PMF1: variants seen among roughly 807,000 people sequenced by gnomAD.
PMF1 encodes the protein polyamine modulated factor 1.
PMF1 carries 21 observed loss-of-function variants against 26.7 expected under a neutral mutation model. The ratio of observed to expected loss-of-function variants is 0.79; its 90% confidence interval spans 0.56 to 1.13. The LOEUF is 1.13. Ranked by LOEUF, PMF1 falls within the 50% of genes most tolerant of loss-of-function variation. PMF1 has a pLI of 0.00. For missense variants in PMF1, 266 were observed against 254.9 expected, an observed-to-expected ratio of 1.04 and a Z score of -0.30; for synonymous variants, 105 against 101.0, an observed-to-expected ratio of 1.04 and a Z score of -0.24.
intron 1 of PMF1, among the ~76,000 whole-genome samples, chr1:156,228,167 T>C (rs1658477963): frequency 6.8e-6 from 1 of 147,498 alleles, no homozygotes; most frequent in Non-Finnish European, 1.5e-5. Flanking sequence ...ACTCCTGACC[T>C]TAGGTGATCT....
chr1:156,236,224 C>A, intron 3 of PMF1, 64 bp from the exon 4 acceptor site: 1 of 1,550,600 alleles, frequency 6.4e-7, no homozygotes, highest in South Asian at 1.2e-5. Flanking sequence ...GGCTTGGAAG[C>A]TGAACCTTCT....
chr1:156,226,454 T>G (rs368997817), intron 1 of PMF1, among the ~76,000 whole-genome samples: 1 of 152,260 alleles, frequency 6.6e-6, no homozygotes, highest in Admixed American at 6.5e-5. Flanking sequence ...GGTTTCTGCA[T>G]GTGCAATTGC....
chr1:156,223,854 G>C lies in PMF1; in HGVS notation c.162-8466G>C, dbSNP rs567425521. 13 of 152,338 alleles carry C rather than the reference G, an allele frequency of 8.5e-5. No individual in the cohort carries two copies. The East Asian group carries it at 2.1e-3, about 25-fold the overall frequency. The allele number at this position is 152,338 out of a possible 1,614,324, so 9.4% of individuals were successfully genotyped here. A position where few individuals can be genotyped will look rare whatever the true frequency, so the allele number is the denominator to read the frequency against. On this transcript the variant is annotated intron_variant, in intron 1 of 4. Transcript: ENST00000368277. ...TCTCATACCCATTTTCCCAAAGGTTGATCTGCAGTCCCTTTGACGGCAGGA... is the reference window on the plus strand; with the variant it reads ...TCTCATACCCATTTTCCCAAAGGTTCATCTGCAGTCCCTTTGACGGCAGGA...
At chr1:156,227,580 T>G (rs555692162) in intron 1 of PMF1, among the ~76,000 whole-genome samples, 1 of 150,414 alleles carries the variant, frequency 6.6e-6, no homozygotes. Context: ...CACCGCAATC[T>G]CCGCCTCCCG....
rs367983370 is a variant in PMF1, at chr1:156,229,620, G to T, written c.162-2700G>T. Among the ~76,000 whole-genome samples, 63 of 151,702 alleles carry T rather than the reference G, an allele frequency of 4.2e-4. No homozygotes were observed. The East Asian group carries it at 0.011, about 28-fold the overall frequency. ...AGTGTCGCTCTTGTTGCCCAGGCTGGAGTGCAATGGCGTGATCTCAGCTCA... is the reference window on the plus strand; with the variant it reads ...AGTGTCGCTCTTGTTGCCCAGGCTGTAGTGCAATGGCGTGATCTCAGCTCA... On this transcript the variant is annotated intron_variant, in intron 1 of 4. Coordinates refer to ENST00000368277, the MANE Select transcript of PMF1 (RefSeq NM_007221.4).
At chr1:156,221,873 C>T (rs1451469587) in intron 1 of PMF1, among the ~76,000 whole-genome samples, 1 of 152,202 alleles carries the variant, frequency 6.6e-6, no homozygotes, top group East Asian at 1.9e-4. Context: ...CTGCCCACCC[C>T]TGTTGGCTTC....
At chr1:156,239,308 G>C (rs1268601110) in intron 4 of PMF1, among the ~76,000 whole-genome samples, 1 of 152,198 alleles carries the variant, frequency 6.6e-6, no homozygotes, top group East Asian at 1.9e-4. Context: ...GATGGGCTCT[G>C]CTCTGGGGAT....
rs531040304 is a variant in PMF1 at position 156,234,734 on chromosome 1, C to T, written c.368+1006C>T. Among the ~76,000 whole-genome samples, 10 of 152,202 alleles carry T rather than the reference C, an allele frequency of 6.6e-5. No homozygotes were observed. The South Asian group carries it at 2.1e-3, about 32-fold the overall frequency. On this transcript the variant is annotated intron_variant, in intron 3 of 4. Coordinates refer to ENST00000368277, the MANE Select transcript of PMF1 (RefSeq NM_007221.4). ...ATGTTGGCCAGGCTGATCTCGAACT[C>T]CTGACCTCAGGTGATCCTCCTGCCT... is the stretch of plus-strand genomic sequence containing the variant.
At chr1:156,216,454 C>T (rs1572477130) in intron 1 of PMF1, among the ~76,000 whole-genome samples, 1 of 151,656 alleles carries the variant, frequency 6.6e-6, no homozygotes, top group Non-Finnish European at 1.5e-5. Context: ...ACACGCTGTC[C>T]TCTGGCGACC....
intron 1 of PMF1, 57 bp from the exon 2 acceptor site, chr1:156,232,263 C>A: frequency 6.5e-7 from 1 of 1,531,188 alleles, no homozygotes; most frequent in Non-Finnish European, 9.0e-7. Flanking sequence ...CCCAGGCAGG[C>A]TGATGGCCGG....
chr1:156,239,116 C>T (rs1659208064), intron 4 of PMF1, among the ~76,000 whole-genome samples: 1 of 152,192 alleles, frequency 6.6e-6, no homozygotes, highest in Non-Finnish European at 1.5e-5. Flanking sequence ...AGGAACAAAG[C>T]CCCCTGCTCT....
At chr1:156,220,884 T>A (rs1381361037) in intron 1 of PMF1, 1 of 151,900 alleles carries the variant, frequency 6.6e-6, no homozygotes, top group East Asian at 1.9e-4. Flanking sequence ...ACTCCTAATG[T>A]CAGGTAATCC....
At chr1:156,234,356 G>A (rs756849093) in intron 3 of PMF1, among the ~76,000 whole-genome samples, 11 of 151,850 alleles carry the variant, frequency 7.2e-5, no homozygotes, top group Non-Finnish European at 1.2e-4. Context: ...GGGAGAAAGG[G>A]TGGGTGGGGG....
At chr1:156,226,132 G>A (rs545903956) in intron 1 of PMF1, among the ~76,000 whole-genome samples, 36 of 152,170 alleles carry the variant, frequency 2.4e-4, no homozygotes, top group Non-Finnish European at 4.3e-4. Context: ...TGGGATTACA[G>A]GTATGAGCCA....
chr1:156,213,611 C>A (rs970527504), intron 1 of PMF1, among the ~76,000 whole-genome samples: 10 of 152,052 alleles, frequency 6.6e-5, no homozygotes, highest in Non-Finnish European at 1.3e-4. Flanking sequence ...ACTACAGGCT[C>A]GTGCTCCCGC....
chr1:156,230,063 C>T (rs111316901), intron 1 of PMF1, among the ~76,000 whole-genome samples: 1,856 of 152,242 alleles, frequency 0.012, 16 homozygotes, highest in Non-Finnish European at 0.02. Flanking sequence ...GGGCGGGTTT[C>T]GTGAGGAGGC....
At chr1:156,219,765 T>C (rs562357539) in intron 1 of PMF1, among the ~76,000 whole-genome samples, 20 of 152,152 alleles carry the variant, frequency 1.3e-4, no homozygotes, top group African/African-American at 4.8e-4. Flanking sequence ...TTTTTTTCTC[T>C]TTGAGACAGG....
intron 1 of PMF1, among the ~76,000 whole-genome samples, chr1:156,225,281 G>GC (rs1658296509): frequency 1.2e-5 from 1 of 86,356 alleles, no homozygotes. Flanking sequence ...CCAGTCCTCA[G>GC]CTTTTTTTTT....
chr1:156,220,117 C>T (rs1009127690), intron 1 of PMF1, among the ~76,000 whole-genome samples: 3 of 152,116 alleles, frequency 2.0e-5, no homozygotes, highest in Non-Finnish European at 2.9e-5. Flanking sequence ...GCACCCGCCA[C>T]CACGCCCGGC....
Sources: allele counts gnomAD v4.1 joint callset (sites outside exome capture counted in the v4.1 genomes callset), GRCh38; gene constraint gnomAD v4.1.1; transcripts MANE v1.5; gene names NCBI Gene and HGNC (gene_info 2026-07-23, HGNC 2026-07-21).